The following CAPZB variants were observed in gnomAD, a reference collection of about 807,000 sequenced individuals.
The protein encoded by CAPZB is capping actin protein of muscle Z-line subunit beta, also known as F-actin-capping protein subunit beta.
Under a neutral mutation model 38.1 loss-of-function variants are expected in CAPZB, and 2 were observed. That is an observed-to-expected ratio of 0.05 (90% CI 0.02 to 0.17). CAPZB has a LOEUF of 0.17. CAPZB is among the 10% of genes least tolerant of loss of function. CAPZB has a pLI of 1.00. For missense variants in CAPZB, 161 were observed against 334.2 expected (o/e 0.48, Z 4.04); for synonymous variants, 107 against 127.4 (o/e 0.84, Z 1.08).
At chr1:19,425,190 TCTGA>T (rs1281630495) in intron 1 of CAPZB, among the ~76,000 whole-genome samples, 1 of 152,196 alleles carries the variant, frequency 6.6e-6, no homozygotes, top group African/African-American at 2.4e-5. Context: ...CCTTCAAAAC[TCTGA>T]CTGGTCCAGG....
At chr1:19,455,182 C>T (rs952470070) in intron 1 of CAPZB, among the ~76,000 whole-genome samples, 5 of 152,154 alleles carry the variant, frequency 3.3e-5, no homozygotes, top group Admixed American at 1.3e-4. Context: ...GGCAAGGGTT[C>T]CTGGGTTAAG....
At chr1:19,358,098 C>T (rs532159119) in intron 4 of CAPZB, among the ~76,000 whole-genome samples, 61 of 152,336 alleles carry the variant, frequency 4.0e-4, no homozygotes, top group African/African-American at 1.4e-3. Context: ...CAGCTTGAGA[C>T]AGTGCTTCCT....
chr1:19,390,137 A>T (rs540854246), intron 2 of CAPZB, among the ~76,000 whole-genome samples: 1 of 152,368 alleles, frequency 6.6e-6, no homozygotes, highest in African/African-American at 2.4e-5. Context: ...TCTGTAATCT[A>T]ACCAGTCCCT....
chr1:19,447,879 G>A (rs7527542), intron 1 of CAPZB, among the ~76,000 whole-genome samples: 140,620 of 152,302 alleles, frequency 0.92, 65,915 homozygotes, highest in East Asian at 1. Context: ...TAGTGAAAGC[G>A]TAGTTCATTT....
chr1:19,470,432 G>A (rs901291586), intron 1 of CAPZB, among the ~76,000 whole-genome samples: 1 of 152,078 alleles, frequency 6.6e-6, no homozygotes, highest in Non-Finnish European at 1.5e-5. Flanking sequence ...CTGACTGTTC[G>A]ACCCAATTGC....
In CAPZB at chr1:19,371,248, G is replaced by A. The variant is rs535607991; in HGVS notation, c.329+7292C>T. 3.9e-5 allele frequency among the ~76,000 whole-genome samples: 6 copies of A among 152,282 alleles called. No homozygotes were observed. In the East Asian group the frequency reaches 1.2e-3, roughly 29 times the overall value. Reference sequence around the variant, plus strand: ...AACTACGGCCTTCTCGCATGATCACGAAGCCTGCTACCCCATCAGGTCCGC... The same window carrying A: ...AACTACGGCCTTCTCGCATGATCACAAAGCCTGCTACCCCATCAGGTCCGC... On this transcript the variant is annotated intron_variant, in intron 4 of 8. Transcript: ENST00000264202.
rs1057371123 is a variant in CAPZB at position 19,482,140 on chromosome 1, T to C, written c.3+3296A>G. ...CAGTCATGTCCTGTTCCCCACCTCA[T>C]GGAATGTAAAAGTATAGGATGTCTG... On this transcript the variant is annotated intron_variant, in intron 1 of 8. Coordinates refer to ENST00000264202, the MANE Select transcript of CAPZB (RefSeq NM_004930.5). Among the ~76,000 whole-genome samples, 4 of 152,170 alleles carry C rather than the reference T, an allele frequency of 2.6e-5. No individual in the cohort carries two copies. The South Asian group carries it at 8.3e-4, about 31-fold the overall frequency.
intron 2 of CAPZB, among the ~76,000 whole-genome samples, chr1:19,407,238 T>C (rs1412083261): frequency 6.6e-6 from 1 of 152,222 alleles, no homozygotes; most frequent in African/African-American, 2.4e-5. Context: ...ACTTCCAGCC[T>C]TGGTCTGCTT....
At chr1:19,393,423 G>C (rs1570109497) in intron 2 of CAPZB, among the ~76,000 whole-genome samples, 1 of 152,206 alleles carries the variant, frequency 6.6e-6, no homozygotes, top group East Asian at 1.9e-4. Flanking sequence ...ACGTGAGCTA[G>C]GGTATGGCGC....
At chr1:19,389,566 T>C (rs1046304805) in intron 2 of CAPZB, among the ~76,000 whole-genome samples, 3 of 152,192 alleles carry the variant, frequency 2.0e-5, no homozygotes, top group Non-Finnish European at 2.9e-5. Flanking sequence ...TAGCTGGGAT[T>C]ACAGGTGTGT....
intron 2 of CAPZB, among the ~76,000 whole-genome samples, chr1:19,408,245 A>C (rs922955102): frequency 1.3e-5 from 2 of 152,254 alleles, no homozygotes; most frequent in South Asian, 4.1e-4. Flanking sequence ...GAGTGAGCCA[A>C]TCGGCCCTAG....
At position 19,439,479 on chromosome 1, in the gene CAPZB, T is replaced by C. The variant is rs16862772; in HGVS notation, c.4-19729A>G. ...CGTATGAAATCCCTAAAGCACTAGG[T>C]GTTTTGACCCCTGCTTGATCTTGAC... is the stretch of plus-strand genomic sequence containing the variant. On this transcript the variant is annotated intron_variant, in intron 1 of 8. Transcript: ENST00000264202. Among the ~76,000 whole-genome samples the C allele has an allele frequency of 3.3e-3, 503 of 152,276 alleles. 15 individuals carry two copies. The East Asian group carries it at 0.076, about 23-fold the overall frequency.
intron 2 of CAPZB, 55 bp from the exon 3 acceptor site, chr1:19,385,681 C>A (rs755525971): frequency 1.1e-5 from 17 of 1,612,266 alleles, no homozygotes; most frequent in African/African-American, 1.3e-5. Flanking sequence ...ACACCAAACT[C>A]AGGTGGCTAA....
chr1:19,424,121 C>G (rs142705456), intron 1 of CAPZB, among the ~76,000 whole-genome samples: 2 of 152,204 alleles, frequency 1.3e-5, no homozygotes, highest in Non-Finnish European at 2.9e-5. Context: ...CATGAACACT[C>G]TTATTATTTA....
intron 2 of CAPZB, among the ~76,000 whole-genome samples, chr1:19,400,138 A>G (rs1481653050): frequency 6.6e-6 from 1 of 151,922 alleles, no homozygotes; most frequent in Non-Finnish European, 1.5e-5. Context: ...AGAGATTCCG[A>G]GCCCACCCCT....
intron 1 of CAPZB, among the ~76,000 whole-genome samples, chr1:19,434,692 G>A (rs1234457460): frequency 1.3e-5 from 2 of 152,148 alleles, no homozygotes; most frequent in African/African-American, 4.8e-5. Flanking sequence ...CACTTTGGGA[G>A]GCCGAAATGG....
intron 4 of CAPZB, among the ~76,000 whole-genome samples, chr1:19,371,625 G>C (rs1047808114): frequency 1.5e-4 from 23 of 152,108 alleles, no homozygotes; most frequent in African/African-American, 5.3e-4. Context: ...CATGGGTGAG[G>C]GTCAGAGGCT....
intron 1 of CAPZB, chr1:19,449,116 T>C: frequency 7.1e-7 from 1 of 1,414,800 alleles, no homozygotes; most frequent in Non-Finnish European, 9.2e-7. Context: ...GCAGTTCCAT[T>C]GCCACAAAAA....
At chr1:19,463,953 G>A (rs1159314025) in intron 1 of CAPZB, among the ~76,000 whole-genome samples, 1 of 151,550 alleles carries the variant, frequency 6.6e-6, no homozygotes, top group Non-Finnish European at 1.5e-5. Context: ...GTCAAGGTGG[G>A]CAGATCACTT....
Sources: allele counts gnomAD v4.1 joint callset (sites outside exome capture counted in the v4.1 genomes callset), GRCh38; gene constraint gnomAD v4.1.1; transcripts MANE v1.5; gene names NCBI Gene and HGNC (gene_info 2026-07-23, HGNC 2026-07-21).